Variants in CSMD1 observed in about 807,000 individuals in gnomAD.
The protein encoded by CSMD1 is CUB and sushi domain-containing protein 1.
In CSMD1, 213 loss-of-function variants were observed where a neutral mutation model predicts 417.5. That is an observed-to-expected ratio of 0.51 (90% CI 0.46 to 0.57). The LOEUF (loss-of-function observed/expected upper bound fraction) is 0.57. Ranked by LOEUF, CSMD1 falls within the 20% of genes least tolerant of loss-of-function variation. CSMD1 has a pLI of 0.00. For missense variants in CSMD1, 6,923 were observed against 4,529.7 expected, an observed-to-expected ratio of 1.53 and a Z score of -15.17; for synonymous variants, 2,862 against 1,736.8, an observed-to-expected ratio of 1.65 and a Z score of -16.11.
chr8:3,469,736 C>G (rs554313806), intron 11 of CSMD1, among the ~76,000 whole-genome samples: 1 of 152,172 alleles, frequency 6.6e-6, no homozygotes, highest in South Asian at 2.1e-4. Flanking sequence ...ACCCTACATC[C>G]TCACCTTAGG....
chr8:3,553,867 C>T (rs936968268), intron 10 of CSMD1, among the ~76,000 whole-genome samples: 1 of 152,084 alleles, frequency 6.6e-6, no homozygotes, highest in Non-Finnish European at 1.5e-5. Flanking sequence ...ATATGCCAAA[C>T]ACGTACACAT....
intron 25 of CSMD1, among the ~76,000 whole-genome samples, chr8:3,287,802 G>A (rs1027648624): frequency 6.6e-6 from 1 of 151,624 alleles, no homozygotes; most frequent in Admixed American, 6.6e-5. Flanking sequence ...ATTTCCTCCA[G>A]CTGCCTGATT....
At chr8:2,947,694 C>T (rs922443049) in intron 68 of CSMD1, among the ~76,000 whole-genome samples, 2 of 152,108 alleles carry the variant, frequency 1.3e-5, no homozygotes, top group African/African-American at 2.4e-5. Flanking sequence ...ATTACTAGAG[C>T]GTGTGCTACA....
At chr8:4,521,127 TTCA>T (rs1292353294) in intron 2 of CSMD1, among the ~76,000 whole-genome samples, 11 of 152,152 alleles carry the variant, frequency 7.2e-5, no homozygotes, top group Admixed American at 5.9e-4. Flanking sequence ...TTCTTCAAAG[TTCA>T]TCAATTTTCA....
chr8:3,922,138 T>C (rs1343507984), intron 5 of CSMD1, among the ~76,000 whole-genome samples: 1 of 146,588 alleles, frequency 6.8e-6, no homozygotes. Context: ...ACATTCTTTC[T>C]TTCATGTTTC....
chr8:3,704,119 G>C (rs1029325137), intron 7 of CSMD1, among the ~76,000 whole-genome samples: 1 of 152,114 alleles, frequency 6.6e-6, no homozygotes, highest in African/African-American at 2.4e-5. Flanking sequence ...TATAATTAGA[G>C]CAGTCCTCCA....
At chr8:3,804,758 A>G (rs1396456505) in intron 5 of CSMD1, among the ~76,000 whole-genome samples, 1 of 152,232 alleles carries the variant, frequency 6.6e-6, no homozygotes, top group African/African-American at 2.4e-5. Context: ...TTAGCCTTTA[A>G]TTTTACAGTA....
intron 7 of CSMD1, among the ~76,000 whole-genome samples, chr8:3,629,493 G>A (rs1429970523): frequency 6.6e-6 from 1 of 152,078 alleles, no homozygotes; most frequent in African/African-American, 2.4e-5. Context: ...AATACACCTA[G>A]CATTGCTCAA....
intron 1 of CSMD1, among the ~76,000 whole-genome samples, chr8:4,708,263 T>C (rs1043961625): frequency 6.6e-6 from 1 of 152,214 alleles, no homozygotes; most frequent in Non-Finnish European, 1.5e-5. Context: ...AGTGTGACTC[T>C]TGATTCCCTT....
intron 5 of CSMD1, among the ~76,000 whole-genome samples, chr8:3,789,224 C>A (rs1418098166): frequency 6.6e-6 from 1 of 152,004 alleles, no homozygotes; most frequent in Non-Finnish European, 1.5e-5. Flanking sequence ...GATAGTGGGC[C>A]CTCACCAGAC....
intron 16 of CSMD1, among the ~76,000 whole-genome samples, chr8:3,398,570 T>G (rs749788585): frequency 3.9e-5 from 6 of 152,176 alleles, no homozygotes; most frequent in Non-Finnish European, 7.3e-5. Flanking sequence ...TGAGACACCA[T>G]AATATTCCGG....
chr8:3,140,977 C>T (rs1465778744), intron 41 of CSMD1, among the ~76,000 whole-genome samples: 2 of 152,158 alleles, frequency 1.3e-5, no homozygotes, highest in African/African-American at 4.8e-5. Flanking sequence ...TGCAGGTACC[C>T]ATTATCTGTG....
intron 3 of CSMD1, among the ~76,000 whole-genome samples, chr8:4,103,380 G>A (rs988804750): frequency 1.3e-5 from 2 of 151,286 alleles, no homozygotes; most frequent in Non-Finnish European, 2.9e-5. Flanking sequence ...ATGATTTTCA[G>A]GGAACCATTG....
intron 37 of CSMD1, among the ~76,000 whole-genome samples, chr8:3,174,428 G>C (rs1272762082): frequency 1.3e-5 from 2 of 152,218 alleles, no homozygotes; most frequent in Non-Finnish European, 2.9e-5. Flanking sequence ...CCAAGAGGTT[G>C]AGACTGAAGT....
At chr8:4,567,398 G>A (rs1347390205) in intron 2 of CSMD1, among the ~76,000 whole-genome samples, 1 of 152,180 alleles carries the variant, frequency 6.6e-6, no homozygotes, top group Non-Finnish European at 1.5e-5. Flanking sequence ...ACACAATGGT[G>A]CAGCTGTGGA....
At chr8:4,582,942 G>C (rs1233355392) in intron 2 of CSMD1, among the ~76,000 whole-genome samples, 1 of 152,210 alleles carries the variant, frequency 6.6e-6, no homozygotes, top group South Asian at 2.1e-4. Flanking sequence ...GGCCCTGCCG[G>C]CCCTGAGCAA....
chr8:3,527,654 C>T (rs1418038346), intron 10 of CSMD1, among the ~76,000 whole-genome samples: 1 of 152,130 alleles, frequency 6.6e-6, no homozygotes, highest in East Asian at 1.9e-4. Flanking sequence ...AGGTCTGCAG[C>T]TCATCCCCTT....
chr8:3,204,543 G>C (rs1205575398), intron 31 of CSMD1, among the ~76,000 whole-genome samples: 1 of 152,162 alleles, frequency 6.6e-6, no homozygotes, highest in African/African-American at 2.4e-5. Context: ...AAAGGGAACA[G>C]CAAGGTTTGG....
intron 8 of CSMD1, among the ~76,000 whole-genome samples, chr8:3,597,294 G>A (rs1765012678): frequency 6.6e-6 from 1 of 152,112 alleles, no homozygotes; most frequent in South Asian, 2.1e-4. Flanking sequence ...GGCTGATTCT[G>A]AAGCTGAGCA....
Sources: allele counts gnomAD v4.1 joint callset (sites outside exome capture counted in the v4.1 genomes callset), GRCh38; gene constraint gnomAD v4.1.1; transcripts MANE v1.5; gene names NCBI Gene and HGNC (gene_info 2026-07-23, HGNC 2026-07-21).